The following HSD17B12 variants were observed in gnomAD, a reference collection of about 807,000 sequenced individuals.
HSD17B12 encodes hydroxysteroid 17-beta dehydrogenase 12.
In HSD17B12, 32 loss-of-function variants were observed where a neutral mutation model predicts 39.3. The ratio of observed to expected loss-of-function variants is 0.81; its 90% CI spans 0.61 to 1.09. The LOEUF (loss-of-function observed/expected upper bound fraction) is 1.09, where lower values mean the gene tolerates loss of function less well. HSD17B12 is among the 50% of genes least tolerant of loss of function. The pLI is 0.00. For missense variants in HSD17B12, 342 were observed against 382.9 expected (o/e 0.89, Z 0.89); for synonymous variants, 150 against 146.7 (o/e 1.02, Z -0.16).
chr11:43,611,601 G>C, the HSD17B12 span, among the ~76,000 whole-genome samples: 1 of 152,174 alleles, frequency 6.6e-6, no homozygotes, highest in Non-Finnish European at 1.5e-5. Flanking sequence ...GAGCCTCACT[G>C]ATTCTAGCTT....
At chr11:43,662,805 G>C in the HSD17B12 span, among the ~76,000 whole-genome samples, 2 of 151,968 alleles carry the variant, frequency 1.3e-5, no homozygotes, top group African/African-American at 4.8e-5. Context: ...TCCTACCTTG[G>C]GGGTAGGGAA....
the HSD17B12 span, among the ~76,000 whole-genome samples, chr11:43,655,207 G>A: frequency 6.6e-6 from 1 of 152,148 alleles, no homozygotes; most frequent in Non-Finnish European, 1.5e-5. Context: ...CTCTCTGTTT[G>A]TCTGTTATTG....
At chr11:43,836,167 C>T (rs1951368914) in intron 7 of HSD17B12, among the ~76,000 whole-genome samples, 1 of 152,120 alleles carries the variant, frequency 6.6e-6, no homozygotes, top group Non-Finnish European at 1.5e-5. Flanking sequence ...AGCATTTAAT[C>T]CAGCTGTTAG....
chr11:43,761,893 T>C (rs139906422), intron 3 of HSD17B12, among the ~76,000 whole-genome samples: 2 of 152,184 alleles, frequency 1.3e-5, no homozygotes, highest in African/African-American at 4.8e-5. Context: ...AAAGCAGTCA[T>C]GAATCTGCCC....
At chr11:43,773,814 A>G (rs545181539) in intron 3 of HSD17B12, among the ~76,000 whole-genome samples, 2 of 152,328 alleles carry the variant, frequency 1.3e-5, no homozygotes, top group East Asian at 3.9e-4. Context: ...CTAGATGTCT[A>G]CATTTTGATT....
intron 1 of HSD17B12, among the ~76,000 whole-genome samples, chr11:43,700,442 A>AT (rs560992748): frequency 1.5e-4 from 22 of 148,868 alleles, no homozygotes; most frequent in African/African-American, 2.9e-4. Context: ...TAATCATTCT[A>AT]TTTTTTTTTT....
intron 1 of HSD17B12, among the ~76,000 whole-genome samples, chr11:43,729,056 T>G (rs1156559665): frequency 6.6e-6 from 1 of 152,202 alleles, no homozygotes; most frequent in Non-Finnish European, 1.5e-5. Flanking sequence ...GTTTCAATGT[T>G]GGTATTGTAA....
At chr11:43,670,711 C>T in the HSD17B12 span, among the ~76,000 whole-genome samples, 1 of 152,006 alleles carries the variant, frequency 6.6e-6, no homozygotes. Context: ...GGCGACATAG[C>T]AAGGCCTTGT....
intron 6 of HSD17B12, among the ~76,000 whole-genome samples, chr11:43,817,148 A>C (rs943678396): frequency 6.6e-6 from 1 of 151,450 alleles, no homozygotes; most frequent in Non-Finnish European, 1.5e-5. Flanking sequence ...TTGTCTTTTG[A>C]GAATTGTCTA....
At chr11:43,562,319 CTG>C in the HSD17B12 span, among the ~76,000 whole-genome samples, 1 of 152,198 alleles carries the variant, frequency 6.6e-6, no homozygotes, top group African/African-American at 2.4e-5. Flanking sequence ...TACAGTGTAA[CTG>C]TGGATAGTTT....
the HSD17B12 span, among the ~76,000 whole-genome samples, chr11:43,620,686 TATG>T: frequency 6.6e-6 from 1 of 152,198 alleles, no homozygotes; most frequent in Admixed American, 6.5e-5. Flanking sequence ...AAATACTAAA[TATG>T]ATATGTTACA....
intron 9 of HSD17B12, among the ~76,000 whole-genome samples, chr11:43,841,389 A>G (rs921140926): frequency 1.3e-5 from 2 of 152,170 alleles, no homozygotes; most frequent in African/African-American, 4.8e-5. Flanking sequence ...AAAGTTTTTA[A>G]TTTTGATGTA....
the HSD17B12 span, among the ~76,000 whole-genome samples, chr11:43,576,352 C>T: frequency 6.6e-6 from 1 of 152,132 alleles, no homozygotes; most frequent in African/African-American, 2.4e-5. Flanking sequence ...AGCGAAATGC[C>T]TTTGTGTGTG....
At chr11:43,784,994 G>C (rs1179557908) in intron 3 of HSD17B12, among the ~76,000 whole-genome samples, 1 of 152,010 alleles carries the variant, frequency 6.6e-6, no homozygotes, top group Non-Finnish European at 1.5e-5. Flanking sequence ...TAACTTTTTT[G>C]CTTCTTAAGG....
chr11:43,613,051 A>G, the HSD17B12 span, among the ~76,000 whole-genome samples: 3 of 152,150 alleles, frequency 2.0e-5, no homozygotes, highest in Non-Finnish European at 4.4e-5. Flanking sequence ...AGCCCCAGTC[A>G]AGAATTTGGT....
chr11:43,597,373 A>T, the HSD17B12 span, among the ~76,000 whole-genome samples: 2 of 152,206 alleles, frequency 1.3e-5, no homozygotes, highest in Non-Finnish European at 2.9e-5. Context: ...AACATTGGAT[A>T]AATGGGAAGG....
intron 1 of HSD17B12, among the ~76,000 whole-genome samples, chr11:43,742,139 A>ATAT (rs61178234): frequency 1.2e-3 from 149 of 123,478 alleles, no homozygotes; most frequent in African/African-American, 1.4e-3. Flanking sequence ...ATATATATAT[A>ATAT]TTTTTTTTTT....
chr11:43,815,921 G>A (rs2135079992), intron 5 of HSD17B12, among the ~76,000 whole-genome samples: 1 of 152,232 alleles, frequency 6.6e-6, no homozygotes, highest in South Asian at 2.1e-4. Context: ...CAAAATGAAA[G>A]TGACATCCTT....
chr11:43,614,652 A>T, the HSD17B12 span, among the ~76,000 whole-genome samples: 1 of 152,098 alleles, frequency 6.6e-6, no homozygotes, highest in African/African-American at 2.4e-5. Flanking sequence ...TTCTCTCCTG[A>T]GACCATTTTT....
Sources: gnomAD v4.1 joint callset for allele counts (sites outside exome capture counted in the v4.1 genomes callset) on GRCh38, gnomAD v4.1.1 for gene constraint, MANE v1.5 for transcripts, NCBI Gene and HGNC (gene_info 2026-07-23, HGNC 2026-07-21) for gene names.